UFL1: variants seen among roughly 807,000 people sequenced by gnomAD.
The protein encoded by UFL1 is UFM1 specific ligase 1.
In UFL1, 78 loss-of-function variants were observed where a neutral mutation model predicts 99.3. The ratio of observed to expected loss-of-function variants is 0.79; its 90% CI spans 0.65 to 0.95. UFL1 has a LOEUF of 0.95. Ranked by LOEUF, UFL1 falls within the 40% of genes least tolerant of loss-of-function variation. The probability of loss-of-function intolerance (pLI) is 0.00; values close to 1 mark genes in which losing one functional copy is unlikely to be tolerated. For synonymous variants in UFL1, 335 were observed against 322.2 expected (o/e 1.04, Z -0.42); for missense variants, 936 against 937.0 (o/e 1.00, Z 0.01).
chr6:96,527,518 CT>C (rs1769721070), intron 5 of UFL1, among the ~76,000 whole-genome samples: 1 of 152,110 alleles, frequency 6.6e-6, no homozygotes, highest in Non-Finnish European at 1.5e-5. Flanking sequence ...AGCAGATTTA[CT>C]TACTCATATT....
chr6:96,528,295 A>T (rs1358689716), intron 5 of UFL1, among the ~76,000 whole-genome samples: 1 of 152,184 alleles, frequency 6.6e-6, no homozygotes, highest in Non-Finnish European at 1.5e-5. Context: ...AATTTGACTC[A>T]TTTCTTGGCT....
At chr6:96,547,871 A>G (rs1406096595) in intron 12 of UFL1, among the ~76,000 whole-genome samples, 1 of 150,782 alleles carries the variant, frequency 6.6e-6, no homozygotes, top group Non-Finnish European at 1.5e-5. Context: ...TACAATGTTC[A>G]CTCTTTGGTT....
intron 11 of UFL1, 124 bp from the exon 12 acceptor site, chr6:96,542,770 A>G (rs1769948796): frequency 3.1e-6 from 3 of 979,402 alleles, no homozygotes; most frequent in East Asian, 3.4e-5. Context: ...AAAAGAGTCT[A>G]AAAGTTTCTT....
intron 6 of UFL1, among the ~76,000 whole-genome samples, chr6:96,529,505 AC>A (rs1769751394): frequency 6.6e-6 from 1 of 152,156 alleles, no homozygotes; most frequent in African/African-American, 2.4e-5. Flanking sequence ...TCTAATGGAT[AC>A]TTTCCGTTTA....
intron 5 of UFL1, 88 bp from the exon 6 acceptor site, chr6:96,528,414 A>C: frequency 1.4e-6 from 2 of 1,450,814 alleles, no homozygotes; most frequent in Non-Finnish European, 1.9e-6. Flanking sequence ...ATACCTCAGC[A>C]TGCAGCATGA....
chr6:96,533,459 G>A (rs1769810772), intron 6 of UFL1, among the ~76,000 whole-genome samples: 1 of 151,994 alleles, frequency 6.6e-6, no homozygotes, highest in Non-Finnish European at 1.5e-5. Context: ...CATCATGGAT[G>A]AATCTCAAAA....
rs1358771158 is a variant in UFL1, at chr6:96,553,684, T to G, written c.*181T>G. ...TAAATCTTAAAAAGATGTGAATTTT[T>G]GTAAATTGGGTTCTTCATGGAAGTT... is the stretch of plus-strand genomic sequence containing the variant. On this transcript the variant is annotated 3_prime_UTR_variant, in exon 19 of 19. Coordinates refer to ENST00000369278, the MANE Select transcript of UFL1 (RefSeq NM_015323.5). The G allele has an allele frequency of 2.2e-6, 1 of 444,794 alleles. No homozygotes were observed. Among genetic ancestry groups the G allele is most frequent in the East Asian group, 3.3e-5 (1 of 30,394 alleles). The allele number at this position is 444,794 out of a possible 1,614,324, so 27.6% of individuals were successfully genotyped here.
intron 15 of UFL1, 32 bp from the exon 16 acceptor site, chr6:96,551,401 A>G: frequency 8.3e-7 from 1 of 1,203,246 alleles, no homozygotes; most frequent in Non-Finnish European, 1.2e-6. Flanking sequence ...TCAAAAGCAC[A>G]GTACTGAATG....
chr6:96,526,195 C>A (rs1769699902), intron 4 of UFL1, 126 bp from the exon 5 acceptor site: 2 of 674,750 alleles, frequency 3.0e-6, no homozygotes, highest in South Asian at 2.0e-5. Flanking sequence ...GAGTGGTGTT[C>A]ATGTACACAC....
chr6:96,553,302 G>GGTAAA lies in UFL1; in HGVS notation c.2188_2192dup (p.Tyr731Ter), dbSNP rs745346419. 11 of 1,613,214 alleles carry GGTAAA rather than the reference G, an allele frequency of 6.8e-6. No homozygotes were observed. In the East Asian group the frequency reaches 8.9e-5, roughly 13 times the overall value. On this transcript the variant is annotated frameshift_variant, in exon 19 of 19. Coordinates refer to ENST00000369278, the MANE Select transcript of UFL1 (RefSeq NM_015323.5). LOFTEE classifies it high-confidence loss of function. ...TTTCACAGGATCAGCATGCTCTTTTGGTAAAGTATCAAGGTTTGGTTGTAA... is the reference window on the plus strand; with the variant it reads ...TTTCACAGGATCAGCATGCTCTTTTGGTAAAGTAAAGTATCAAGGTTTGGTTGTAA...
intron 10 of UFL1, 109 bp from the exon 11 acceptor site, chr6:96,540,426 T>C: frequency 7.3e-7 from 1 of 1,365,790 alleles, no homozygotes; most frequent in Non-Finnish European, 9.8e-7. Flanking sequence ...AGCTCTATAG[T>C]TCTAAGCAAC....
rs769416289 is a variant in UFL1 at position 96,536,260 on chromosome 6, T to C, written c.672T>C (p.Leu224=). The C allele has an allele frequency of 1.6e-5, 26 of 1,609,152 alleles. No homozygotes were observed. The East Asian group carries it at 5.6e-4, about 35-fold the overall frequency. The part of the protein sequence containing the change: ...EQLLYSVLEE[L]VNSGRLRGTV... ...TGTTTTAAGCTGTGCTTGAGGAACTTGTTAATAGCGGACGCTTACGAGGCA... is the reference window on the plus strand; with the variant it reads ...TGTTTTAAGCTGTGCTTGAGGAACTCGTTAATAGCGGACGCTTACGAGGCA... The change falls in exon 8 of 19, where the codon CTT becomes CTC. Residue 224 remains leucine, a synonymous_variant. Transcript: ENST00000369278.
chr6:96,529,836 A>ATT, intron 6 of UFL1, among the ~76,000 whole-genome samples: 1 of 152,176 alleles, frequency 6.6e-6, no homozygotes, highest in Admixed American at 6.5e-5. Context: ...TTAGAAGGAG[A>ATT]GCATGTATTC....
In UFL1 at chr6:96,540,610, A is replaced by G. The variant is rs138835062; in HGVS notation, c.1234A>G (p.Thr412Ala). The G allele has an allele frequency of 6.2e-7, 1 of 1,606,340 alleles. No homozygotes were observed. The highest frequency in any genetic ancestry group is 1.7e-5 in the Admixed American group (1 of 59,000). The change falls in exon 11 of 19, where the codon ACA becomes GCA. Residue 412 changes from threonine (T) to alanine (A), a missense_variant. Thr to Ala is a moderately conservative substitution (Grantham distance 58, BLOSUM62 0). Coordinates refer to ENST00000369278, the MANE Select transcript of UFL1 (RefSeq NM_015323.5). The stretch of plus-strand genomic sequence containing the variant: ...AATCTCCACTTTAGAAAGCGTTAGT[A>G]CAAGTAAAAAGGATAAAAAAGATGA... ...KQISTLESVS[T>A]SKKDKKDERR...
intron 7 of UFL1, among the ~76,000 whole-genome samples, chr6:96,535,647 G>T (rs1035295729): frequency 6.6e-6 from 1 of 151,996 alleles, no homozygotes; most frequent in African/African-American, 2.4e-5. Flanking sequence ...AGGTGGCAGA[G>T]TTGAGGTTTA....
intron 6 of UFL1, among the ~76,000 whole-genome samples, chr6:96,530,332 G>A (rs1454134120): frequency 6.6e-6 from 1 of 152,148 alleles, no homozygotes; most frequent in Non-Finnish European, 1.5e-5. Flanking sequence ...TTCAGGTTAT[G>A]TGTCTTTTGA....
In UFL1 at chr6:96,537,412, G is replaced by A. The variant is rs770062385; in HGVS notation, c.841G>A (p.Val281Ile). ...ALSRLGIPDA[V>I]SYIKKRYKTT... is the part of the protein sequence containing the mutation. The stretch of plus-strand genomic sequence containing the variant: ...GTCCAGACTTGGAATCCCAGATGCT[G>A]TAAGCTACATAAAGAAAAGATATAA... Residue 281 changes from valine (V) to isoleucine (I), a missense_variant, in exon 9 of 19, where the codon GTA becomes ATA. By Grantham distance (29) the Val-to-Ile change is conservative. Coordinates refer to ENST00000369278, the MANE Select transcript of UFL1 (RefSeq NM_015323.5). The A allele has an allele frequency of 3.8e-6, 6 of 1,596,934 alleles. No homozygotes were observed. Among genetic ancestry groups the A allele is most frequent in the Non-Finnish European group, 5.1e-6 (6 of 1,173,610 alleles).
At chr6:96,534,135 T>G in intron 6 of UFL1, 128 bp from the exon 7 acceptor site, 1 of 546,764 alleles carries the variant, frequency 1.8e-6, no homozygotes, top group Admixed American at 4.4e-5. Flanking sequence ...AAATTTGGTG[T>G]AATTTTTGAC....
At chr6:96,534,471 T>C (rs895578834) in intron 7 of UFL1, 150 bp downstream of exon 7, 56 of 589,370 alleles carry the variant, frequency 9.5e-5, no homozygotes, top group Non-Finnish European at 1.4e-4. Flanking sequence ...TCAAGTTTTA[T>C]ATATGTACCT....
Sources: gnomAD v4.1 joint callset for allele counts (sites outside exome capture counted in the v4.1 genomes callset) on GRCh38, gnomAD v4.1.1 for gene constraint, MANE v1.5 for transcripts, NCBI Gene and HGNC (gene_info 2026-07-23, HGNC 2026-07-21) for gene names.